The following SOBP variants were observed in gnomAD, a reference collection of about 807,000 sequenced individuals.
SOBP encodes the protein sine oculis-binding protein homolog.
A neutral mutation model predicts 53.6 loss-of-function variants in SOBP; 4 were observed. That is an observed-to-expected ratio of 0.07 (90% confidence interval 0.04 to 0.17). SOBP has a LOEUF of 0.17. SOBP is among the 10% of genes least tolerant of loss of function. The probability of loss-of-function intolerance (pLI) is 1.00; values close to 1 mark genes in which losing one functional copy is unlikely to be tolerated. For missense variants in SOBP, 1,088 were observed against 1,204.7 expected (o/e 0.90, Z 1.43); for synonymous variants, 584 against 522.6 (o/e 1.12, Z -1.60).
Position 107,538,930 on chromosome 6 carries a change from G to C in SOBP, c.573+5320G>C, listed in dbSNP as rs542313535. ...TTAGAGCAGGAAGGTTCTGGCTAGT[G>C]AAGTAAAGTGTAGGTCCGTTTAAAG... is the stretch of plus-strand genomic sequence containing the variant. On this transcript the variant is annotated intron_variant, in intron 4 of 6. Transcript: ENST00000317357. Among the ~76,000 whole-genome samples, 61 of 152,318 alleles carry C rather than the reference G, an allele frequency of 4.0e-4. No homozygotes were observed. In the South Asian group the frequency reaches 0.012, roughly 31 times the overall value.
chr6:107,660,033 C>T lies in SOBP; in HGVS notation c.*1830C>T, dbSNP rs949358639. The stretch of plus-strand genomic sequence containing the variant: ...CAAACCCACCCAGGCAGGAAGAAGC[C>T]GCCCCTCCTCTGGGGCCATATTTTT... On this transcript the variant is annotated 3_prime_UTR_variant, in exon 7 of 7. Transcript: ENST00000317357. The T allele has an allele frequency of 2.6e-5, 4 of 152,526 alleles. No homozygotes were observed. Among genetic ancestry groups the T allele is most frequent in the South Asian group, 2.1e-4 (1 of 4,828 alleles). The allele number at this position is 152,526 out of a possible 1,614,324, so 9.4% of individuals were successfully genotyped here.
At chr6:107,522,387 C>G (rs1783536075) in intron 3 of SOBP, among the ~76,000 whole-genome samples, 2 of 152,074 alleles carry the variant, frequency 1.3e-5, no homozygotes, top group Non-Finnish European at 2.9e-5. Context: ...TAGAAGGCTA[C>G]TTGTAGTTTG....
At chr6:107,616,620 G>C (rs1353338200) in intron 5 of SOBP, among the ~76,000 whole-genome samples, 2 of 152,166 alleles carry the variant, frequency 1.3e-5, no homozygotes, top group East Asian at 3.8e-4. Flanking sequence ...AATATGGCTG[G>C]TCTGCACTGC....
At chr6:107,529,763 G>A (rs963651939) in intron 3 of SOBP, among the ~76,000 whole-genome samples, 1 of 152,070 alleles carries the variant, frequency 6.6e-6, no homozygotes, top group African/African-American at 2.4e-5. Context: ...ATACTTCTCT[G>A]CACTATAATA....
At chr6:107,599,491 C>A (rs1033200462) in intron 5 of SOBP, among the ~76,000 whole-genome samples, 1 of 151,618 alleles carries the variant, frequency 6.6e-6, no homozygotes. Context: ...AGACAGAAAA[C>A]TGGTATTTAT....
At chr6:107,533,048 AC>A (rs1429400619) in intron 3 of SOBP, among the ~76,000 whole-genome samples, 1 of 151,852 alleles carries the variant, frequency 6.6e-6, no homozygotes, top group Non-Finnish European at 1.5e-5. Flanking sequence ...GTAAGTTAGC[AC>A]CCTACAAATT....
intron 4 of SOBP, among the ~76,000 whole-genome samples, chr6:107,573,978 A>G (rs954294050): frequency 2.0e-5 from 3 of 152,200 alleles, no homozygotes; most frequent in African/African-American, 4.8e-5. Context: ...TCAGTTGTCT[A>G]CTACTGCCTG....
chr6:107,537,472 A>G (rs1329770569), intron 4 of SOBP, among the ~76,000 whole-genome samples: 2 of 152,242 alleles, frequency 1.3e-5, no homozygotes, highest in African/African-American at 2.4e-5. Flanking sequence ...ATAATTTACA[A>G]GTAAACACAA....
chr6:107,518,750 G>GTTT (rs11390425), intron 3 of SOBP, among the ~76,000 whole-genome samples: 10,950 of 111,538 alleles, frequency 0.098, 622 homozygotes, highest in South Asian at 0.18. Flanking sequence ...AGGAAAGGCT[G>GTTT]TTTTTTTTTT....
chr6:107,614,905 T>C (rs1017986592), intron 5 of SOBP, among the ~76,000 whole-genome samples: 4 of 152,246 alleles, frequency 2.6e-5, no homozygotes, highest in Non-Finnish European at 5.9e-5. Flanking sequence ...TTCTGAAATA[T>C]TTAGAGTTAA....
chr6:107,631,185 C>T (rs1255912261), intron 5 of SOBP, among the ~76,000 whole-genome samples: 2 of 152,110 alleles, frequency 1.3e-5, no homozygotes, highest in Non-Finnish European at 2.9e-5. Context: ...TTAAGGATTT[C>T]AGAAAACCCT....
intron 2 of SOBP, 152 bp downstream of exon 2, chr6:107,503,947 A>G (rs1782912109): frequency 5.2e-6 from 5 of 964,174 alleles, no homozygotes; most frequent in Non-Finnish European, 8.0e-6. Flanking sequence ...CTTTCCCATA[A>G]GCAGAATTCT....
intron 5 of SOBP, among the ~76,000 whole-genome samples, chr6:107,607,300 A>G (rs1484046940): frequency 6.6e-6 from 1 of 152,170 alleles, no homozygotes; most frequent in African/African-American, 2.4e-5. Context: ...GTTGCACAAC[A>G]GGAAGTGGAC....
At chr6:107,548,816 TA>T (rs1784381378) in intron 4 of SOBP, among the ~76,000 whole-genome samples, 1 of 151,980 alleles carries the variant, frequency 6.6e-6, no homozygotes, top group South Asian at 2.1e-4. Flanking sequence ...TGAACACCTG[TA>T]GTCTCAGCTG....
At chr6:107,567,451 T>C (rs1784951379) in intron 4 of SOBP, among the ~76,000 whole-genome samples, 1 of 152,196 alleles carries the variant, frequency 6.6e-6, no homozygotes, top group Admixed American at 6.5e-5. Flanking sequence ...ATTTACTCTA[T>C]TTTCCATTAA....
At chr6:107,531,357 G>C (rs1187125343) in intron 3 of SOBP, among the ~76,000 whole-genome samples, 1 of 152,150 alleles carries the variant, frequency 6.6e-6, no homozygotes, top group Non-Finnish European at 1.5e-5. Flanking sequence ...GAATTCTGCT[G>C]TATCTTCTTT....
chr6:107,503,593 T>G, intron 1 of SOBP, 64 bp from the exon 2 acceptor site: 1 of 1,547,864 alleles, frequency 6.5e-7, no homozygotes, highest in Non-Finnish European at 8.9e-7. Context: ...GAATTCAATT[T>G]ATGCATTCTT....
At chr6:107,578,804 G>C (rs546439126) in intron 4 of SOBP, among the ~76,000 whole-genome samples, 3 of 152,106 alleles carry the variant, frequency 2.0e-5, no homozygotes, top group East Asian at 3.9e-4. Context: ...GGTTATTTCT[G>C]GGGGAGGCAT....
intron 4 of SOBP, among the ~76,000 whole-genome samples, chr6:107,567,161 A>G (rs186786554): frequency 1.2e-4 from 19 of 152,362 alleles, no homozygotes; most frequent in Non-Finnish European, 5.9e-5. Flanking sequence ...TTTATATAGT[A>G]AAGAAGGAAG....
Sources: allele counts gnomAD v4.1 joint callset (sites outside exome capture counted in the v4.1 genomes callset), GRCh38; gene constraint gnomAD v4.1.1; transcripts MANE v1.5; gene names NCBI Gene and HGNC (gene_info 2026-07-23, HGNC 2026-07-21).